DCC: variants seen among roughly 807,000 people sequenced by gnomAD.
DCC encodes the protein netrin receptor DCC.
Under a neutral mutation model 172.5 loss-of-function variants are expected in DCC, and 58 were observed. The ratio of observed to expected loss-of-function variants is 0.34; its 90% CI spans 0.27 to 0.42. The LOEUF (loss-of-function observed/expected upper bound fraction) is 0.42. Ranked by LOEUF, DCC falls within the 10% of genes least tolerant of loss-of-function variation. The pLI is 1.00. For synonymous variants in DCC, 709 were observed against 644.5 expected (o/e 1.10, Z -1.52); for missense variants, 1,740 against 1,791.0 (o/e 0.97, Z 0.51).
intron 5 of DCC, among the ~76,000 whole-genome samples, chr18:53,012,425 C>T (rs2041743790): frequency 6.6e-6 from 1 of 151,840 alleles, no homozygotes; most frequent in African/African-American, 2.4e-5. Context: ...TAAAATAGTT[C>T]CTACTCTAAA....
At chr18:52,472,510 C>T (rs574692461) in intron 1 of DCC, among the ~76,000 whole-genome samples, 36 of 152,254 alleles carry the variant, frequency 2.4e-4, no homozygotes, top group Middle Eastern at 3.4e-3. Flanking sequence ...CTATTTTCAA[C>T]GGGGTATCAA....
At chr18:52,418,642 A>G (rs1271260246) in intron 1 of DCC, among the ~76,000 whole-genome samples, 2 of 152,080 alleles carry the variant, frequency 1.3e-5, no homozygotes, top group East Asian at 3.9e-4. Context: ...TACAGTCACA[A>G]GCAGTGGGTC....
chr18:52,548,517 G>C (rs539000331), intron 1 of DCC, among the ~76,000 whole-genome samples: 4 of 152,200 alleles, frequency 2.6e-5, no homozygotes, highest in South Asian at 2.1e-4. Flanking sequence ...ATCAGTTCTA[G>C]GCTGGTTATA....
chr18:53,430,667 C>T (rs868720772), intron 21 of DCC, among the ~76,000 whole-genome samples: 4 of 152,028 alleles, frequency 2.6e-5, no homozygotes, highest in African/African-American at 9.7e-5. Flanking sequence ...AGGATAATAA[C>T]ATAAATAATA....
At chr18:53,230,468 G>A (rs768164279) in intron 12 of DCC, among the ~76,000 whole-genome samples, 3 of 151,858 alleles carry the variant, frequency 2.0e-5, no homozygotes, top group Non-Finnish European at 4.4e-5. Context: ...ATAATAATGT[G>A]TATAGTCTTG....
At chr18:53,064,457 C>A (rs2042539578) in intron 6 of DCC, among the ~76,000 whole-genome samples, 1 of 152,128 alleles carries the variant, frequency 6.6e-6, no homozygotes. Flanking sequence ...CTAGCCAGGT[C>A]TCCTGGGCAG....
intron 2 of DCC, among the ~76,000 whole-genome samples, chr18:52,787,412 GTAGT>G (rs1204137038): frequency 1.3e-5 from 2 of 151,544 alleles, no homozygotes; most frequent in South Asian, 4.3e-4. Flanking sequence ...AGTTTCCAGG[GTAGT>G]TAGTTAAAAA....
intron 7 of DCC, among the ~76,000 whole-genome samples, chr18:53,144,283 C>T (rs1344909396): frequency 6.6e-6 from 1 of 152,120 alleles, no homozygotes; most frequent in Admixed American, 6.5e-5. Flanking sequence ...CTGGTTTTTA[C>T]ATTTTCTTAG....
intron 8 of DCC, among the ~76,000 whole-genome samples, chr18:53,157,762 C>A (rs1409319284): frequency 1.3e-5 from 2 of 152,056 alleles, no homozygotes; most frequent in Admixed American, 6.5e-5. Context: ...TTTTTTATTT[C>A]TTTGGTTTTC....
intron 9 of DCC, among the ~76,000 whole-genome samples, chr18:53,189,358 G>A (rs1476186424): frequency 4.0e-5 from 6 of 151,694 alleles, no homozygotes; most frequent in East Asian, 1.9e-4. Flanking sequence ...CCAAACCTGT[G>A]GTCAATGTTA....
At chr18:53,115,118 G>A (rs925637024) in intron 7 of DCC, among the ~76,000 whole-genome samples, 11 of 151,486 alleles carry the variant, frequency 7.3e-5, no homozygotes, top group African/African-American at 2.7e-4. Flanking sequence ...GGAGAAAATA[G>A]ACTTTTCAAG....
At chr18:53,364,071 A>G (rs1367054941) in intron 15 of DCC, among the ~76,000 whole-genome samples, 1 of 152,210 alleles carries the variant, frequency 6.6e-6, no homozygotes, top group Non-Finnish European at 1.5e-5. Context: ...AATTCAATCA[A>G]TATGTATCAA....
chr18:53,174,436 A>T (rs2055059356), intron 8 of DCC, among the ~76,000 whole-genome samples: 1 of 150,602 alleles, frequency 6.6e-6, no homozygotes, highest in African/African-American at 2.4e-5. Flanking sequence ...TAGCAAGACT[A>T]ATAAAGAAAA....
chr18:53,423,904 A>AGAT (rs1201906995), intron 21 of DCC, among the ~76,000 whole-genome samples: 6 of 152,222 alleles, frequency 3.9e-5, no homozygotes, highest in Admixed American at 3.3e-4. Flanking sequence ...TAATCTGGAA[A>AGAT]GATAAGTTTT....
At chr18:52,476,808 A>C (rs923018821) in intron 1 of DCC, among the ~76,000 whole-genome samples, 1 of 152,154 alleles carries the variant, frequency 6.6e-6, no homozygotes, top group Non-Finnish European at 1.5e-5. Context: ...TGAGGCACAT[A>C]TTACCTCTGA....
intron 6 of DCC, among the ~76,000 whole-genome samples, chr18:53,065,539 C>A (rs2042553391): frequency 6.6e-6 from 1 of 152,276 alleles, no homozygotes; most frequent in South Asian, 2.1e-4. Context: ...AAAGCCATCA[C>A]AATATTTAAA....
At chr18:52,694,884 T>G (rs1206997323) in intron 1 of DCC, among the ~76,000 whole-genome samples, 1 of 152,204 alleles carries the variant, frequency 6.6e-6, no homozygotes, top group African/African-American at 2.4e-5. Flanking sequence ...ACTGGTTCTC[T>G]GTATGTACAA....
chr18:53,065,373 C>T (rs2042550860), intron 6 of DCC, among the ~76,000 whole-genome samples: 1 of 152,064 alleles, frequency 6.6e-6, no homozygotes, highest in Admixed American at 6.6e-5. Flanking sequence ...TATCATCCAT[C>T]CTTGAAAAAG....
chr18:53,397,226 T>C lies in DCC; in HGVS notation c.2689-82T>C, dbSNP rs975421448. 1.0e-5 allele frequency: 14 copies of C among 1,333,364 alleles called. No homozygotes were observed. In the African/African-American group the frequency reaches 1.4e-4, roughly 14 times the overall value. 82.6% of individuals were successfully genotyped at this position (1,333,364 alleles called of 1,614,324 possible). On this transcript the variant is annotated intron_variant, in intron 17 of 28. Transcript: ENST00000442544. ...AGTAGATTACTTTTGTGTTAGCTTA[T>C]TTAATAGTCTTTTTATATGTCTTGA...
Sources: allele counts gnomAD v4.1 joint callset (sites outside exome capture counted in the v4.1 genomes callset), GRCh38; gene constraint gnomAD v4.1.1; transcripts MANE v1.5; gene names NCBI Gene and HGNC (gene_info 2026-07-23, HGNC 2026-07-21).